Variants in SLC44A5 observed in about 807,000 individuals in gnomAD.
The protein encoded by SLC44A5 is solute carrier family 44 member 5, also known as choline transporter-like protein 5.
Under a neutral mutation model 101.8 loss-of-function variants are expected in SLC44A5, and 57 were observed. The observed-to-expected ratio is 0.56, with a 90% CI of 0.45 to 0.70. The LOEUF (loss-of-function observed/expected upper bound fraction) is 0.70. SLC44A5 is among the 30% of genes least tolerant of loss of function. The pLI, the probability that SLC44A5 is intolerant of heterozygous loss-of-function variation, is 0.00. For missense variants in SLC44A5, 737 were observed against 853.1 expected, an observed-to-expected ratio of 0.86 and a Z score of 1.70; for synonymous variants, 281 against 290.9, an observed-to-expected ratio of 0.97 and a Z score of 0.35.
chr1:75,326,682 G>A (rs1391527694), intron 4 of SLC44A5, among the ~76,000 whole-genome samples: 1 of 152,154 alleles, frequency 6.6e-6, no homozygotes, highest in South Asian at 2.1e-4. Flanking sequence ...ACATTTTGGG[G>A]AGGAAGTTGA....
At chr1:75,375,149 T>G (rs930977235) in intron 3 of SLC44A5, among the ~76,000 whole-genome samples, 3 of 152,198 alleles carry the variant, frequency 2.0e-5, no homozygotes, top group Non-Finnish European at 4.4e-5. Context: ...CAGAGCCATT[T>G]TAAGTAAGAA....
In SLC44A5 at chr1:75,238,496, A is replaced by G; in HGVS notation, c.656+17T>C. The G allele has an allele frequency of 6.4e-7, 1 of 1,562,108 alleles. No individual in the cohort carries two copies. Among genetic ancestry groups the G allele is most frequent in the Non-Finnish European group, 8.6e-7 (1 of 1,157,622 alleles). On this transcript the variant is annotated intron_variant, in intron 10 of 23. Coordinates refer to ENST00000370859, the MANE Select transcript of SLC44A5 (RefSeq NM_001130058.2). ...CAAAATGCATCAAACTGAAAATTAGAATGTAAACACACATACTTTGCAGCA... is the reference window on the plus strand; with the variant it reads ...CAAAATGCATCAAACTGAAAATTAGGATGTAAACACACATACTTTGCAGCA...
chr1:75,214,593 C>G lies in SLC44A5; in HGVS notation c.1802+12G>C. The G allele has an allele frequency of 6.2e-7, 1 of 1,608,510 alleles. No homozygotes were observed. The highest frequency in any genetic ancestry group is 1.3e-5 in the African/African-American group (1 of 74,918). Reference sequence around the variant, plus strand: ...ACATTGTTAAATTACATTGTGCAGCCTGATTACTTACTTCAAAACATTTCT... The same window carrying G: ...ACATTGTTAAATTACATTGTGCAGCGTGATTACTTACTTCAAAACATTTCT... On this transcript the variant is annotated intron_variant, in intron 20 of 23. Transcript: ENST00000370859.
chr1:75,710,580 A>G, the SLC44A5 span: 2 of 150,898 alleles, frequency 1.3e-5, no homozygotes, highest in Non-Finnish European at 3.0e-5. Flanking sequence ...AAAAAAAAAA[A>G]AAAAAAAGGA....
chr1:75,478,308 G>A (rs1244100619), intron 2 of SLC44A5, among the ~76,000 whole-genome samples: 1 of 152,194 alleles, frequency 6.6e-6, no homozygotes, highest in Non-Finnish European at 1.5e-5. Context: ...ATGCCAAATT[G>A]TAAAGACCAT....
rs1375803886 is a variant in SLC44A5, at chr1:75,203,687, A to T, written c.*40T>A. ...TGTTGCACAGACACAGCAGATGGAG[A>T]AAAGGTAACACACAGCTGTAGGACG... On this transcript the variant is annotated 3_prime_UTR_variant, in exon 24 of 24. Coordinates refer to ENST00000370859, the MANE Select transcript of SLC44A5 (RefSeq NM_001130058.2). 1.3e-6 allele frequency: 2 copies of T among 1,522,570 alleles called. No individual in the cohort carries two copies. The highest frequency in any genetic ancestry group is 1.8e-6 in the Non-Finnish European group (2 of 1,133,996). The allele number at this position is 1,522,570 out of a possible 1,614,324, so 94.3% of individuals were successfully genotyped here.
intron 1 of SLC44A5, among the ~76,000 whole-genome samples, chr1:75,561,235 C>T (rs1015568898): frequency 6.6e-6 from 1 of 152,052 alleles, no homozygotes; most frequent in African/African-American, 2.4e-5. Context: ...CATGGAGTCT[C>T]CCAGTATACT....
the SLC44A5 span, among the ~76,000 whole-genome samples, chr1:75,644,474 C>T: frequency 6.6e-6 from 1 of 151,854 alleles, no homozygotes; most frequent in Non-Finnish European, 1.5e-5. Flanking sequence ...GCTAATGTTT[C>T]TAACAATTAT....
intron 2 of SLC44A5, among the ~76,000 whole-genome samples, chr1:75,403,415 G>A (rs1662630157): frequency 6.6e-6 from 1 of 152,170 alleles, no homozygotes. Context: ...ATACCTCCCA[G>A]CAGGGGTCGA....
intron 6 of SLC44A5, among the ~76,000 whole-genome samples, chr1:75,256,283 T>C (rs764304309): frequency 7.2e-5 from 11 of 152,032 alleles, no homozygotes; most frequent in Non-Finnish European, 1.3e-4. Context: ...CTCTGCAAGG[T>C]AGACCTTCAG....
At chr1:75,440,522 C>T (rs1429832725) in intron 2 of SLC44A5, among the ~76,000 whole-genome samples, 1 of 152,012 alleles carries the variant, frequency 6.6e-6, no homozygotes, top group Non-Finnish European at 1.5e-5. Context: ...CTGAGACCTT[C>T]CAGGTGACTA....
At chr1:75,338,830 C>A (rs1484479758) in intron 4 of SLC44A5, among the ~76,000 whole-genome samples, 1 of 152,126 alleles carries the variant, frequency 6.6e-6, no homozygotes, top group African/African-American at 2.4e-5. Context: ...ATGCTGATCG[C>A]TAGTTCACAT....
At chr1:75,336,516 C>CT in intron 4 of SLC44A5, among the ~76,000 whole-genome samples, 1 of 152,194 alleles carries the variant, frequency 6.6e-6, no homozygotes, top group South Asian at 2.1e-4. Flanking sequence ...AAATTGCATC[C>CT]TTTTTTCAGG....
chr1:75,672,003 C>G, the SLC44A5 span, among the ~76,000 whole-genome samples: 1 of 152,102 alleles, frequency 6.6e-6, no homozygotes, highest in Admixed American at 6.6e-5. Context: ...TTCTAGAAAC[C>G]TCCAGTGATC....
intron 2 of SLC44A5, among the ~76,000 whole-genome samples, chr1:75,424,492 G>T (rs905462207): frequency 6.6e-6 from 1 of 152,076 alleles, no homozygotes; most frequent in Non-Finnish European, 1.5e-5. Flanking sequence ...TTTTAGTAGA[G>T]CCAGGTTTCA....
At chr1:75,233,924 C>T (rs1346827500) in intron 12 of SLC44A5, 62 bp downstream of exon 12, 1 of 1,225,284 alleles carries the variant, frequency 8.2e-7, no homozygotes, top group Non-Finnish European at 1.2e-6. Flanking sequence ...TAACTGATAA[C>T]AGCGATTGAA....
chr1:75,651,167 A>T, the SLC44A5 span, among the ~76,000 whole-genome samples: 1 of 152,208 alleles, frequency 6.6e-6, no homozygotes, highest in Non-Finnish European at 1.5e-5. Flanking sequence ...ATTCTTAAAC[A>T]TATAAGCCCT....
intron 5 of SLC44A5, 112 bp downstream of exon 5, chr1:75,300,500 A>G: frequency 3.4e-6 from 2 of 580,158 alleles, no homozygotes; most frequent in Non-Finnish European, 5.6e-6. Flanking sequence ...GAAAGACAAC[A>G]GTCAATAATA....
intron 4 of SLC44A5, among the ~76,000 whole-genome samples, chr1:75,320,668 A>G (rs1656072863): frequency 6.6e-6 from 1 of 152,174 alleles, no homozygotes; most frequent in South Asian, 2.1e-4. Flanking sequence ...ATTTTGAATG[A>G]CATATATTTG....
Sources: allele counts gnomAD v4.1 joint callset (sites outside exome capture counted in the v4.1 genomes callset), GRCh38; gene constraint gnomAD v4.1.1; transcripts MANE v1.5; gene names NCBI Gene and HGNC (gene_info 2026-07-23, HGNC 2026-07-21).